The following SIK3 variants were observed in gnomAD, a reference collection of about 807,000 sequenced individuals.
SIK3 encodes SIK family kinase 3, also known as serine/threonine-protein kinase SIK3.
Under a neutral mutation model 144.2 loss-of-function variants are expected in SIK3, and 28 were observed. The ratio of observed to expected loss-of-function variants is 0.19; its 90% CI spans 0.14 to 0.27. The LOEUF (loss-of-function observed/expected upper bound fraction) is 0.27. Among genes scored for constraint, SIK3 ranks in the 10% least tolerant of loss-of-function variants. The pLI is 1.00. For synonymous variants in SIK3, 686 were observed against 676.3 expected (o/e 1.01, Z -0.22); for missense variants, 1,319 against 1,776.0 (o/e 0.74, Z 4.62).
In SIK3 at chr11:117,007,734, A is replaced by G. The variant is rs369398269; in HGVS notation, c.274-50670T>C. On this transcript the variant is annotated intron_variant, in intron 1 of 24. Transcript: ENST00000445177. ...GAAATTTGACATTAGATGAACTGTA[A>G]GAGTTCAGAATATGAGCTCACCCTT... 1.4e-4 allele frequency among the ~76,000 whole-genome samples: 22 copies of G among 152,322 alleles called. 1 individual carries two copies. In the East Asian group the frequency reaches 3.9e-3, roughly 27 times the overall value.
intron 21 of SIK3, among the ~76,000 whole-genome samples, chr11:116,851,939 C>A (rs190907906): frequency 6.6e-6 from 1 of 152,354 alleles, no homozygotes; most frequent in East Asian, 1.9e-4. Flanking sequence ...ATATTGTCTT[C>A]TTTGATAACT....
At chr11:117,092,428 G>C (rs1955289260) in intron 1 of SIK3, among the ~76,000 whole-genome samples, 1 of 152,192 alleles carries the variant, frequency 6.6e-6, no homozygotes, top group Admixed American at 6.5e-5. Flanking sequence ...TGGAAAGAAA[G>C]GTCTTCCCTG....
intron 8 of SIK3, 95 bp downstream of exon 8, chr11:116,876,158 A>G: frequency 2.0e-6 from 3 of 1,500,972 alleles, no homozygotes; most frequent in Non-Finnish European, 9.1e-7. Context: ...ACAGGAGGAA[A>G]AAAAAGGCCC....
chr11:116,897,453 A>T, intron 4 of SIK3, 136 bp from the exon 5 acceptor site: 1 of 721,132 alleles, frequency 1.4e-6, no homozygotes, highest in Non-Finnish European at 2.3e-6. Context: ...TAGAAACCAC[A>T]TAGCCAGACA....
intron 15 of SIK3, among the ~76,000 whole-genome samples, chr11:116,865,510 G>C (rs923364196): frequency 6.6e-6 from 1 of 152,076 alleles, no homozygotes; most frequent in African/African-American, 2.4e-5. Context: ...GGATGGCCTC[G>C]CATTAGGCTG....
At chr11:117,005,336 G>GAAAAAAAAAAAAAA (rs35279676) in intron 1 of SIK3, among the ~76,000 whole-genome samples, 2 of 55,966 alleles carry the variant, frequency 3.6e-5, no homozygotes, top group African/African-American at 5.9e-5. Context: ...CCCCGTCTCA[G>GAAAAAAAAAAAAAA]AAAAAAAAAA....
At chr11:116,871,027 A>G (rs1487491691) in intron 13 of SIK3, among the ~76,000 whole-genome samples, 1 of 152,254 alleles carries the variant, frequency 6.6e-6, no homozygotes, top group Non-Finnish European at 1.5e-5. Context: ...CCAGGAAAGC[A>G]TAGTGAATTA....
chr11:116,896,616 T>C (rs754148176), intron 5 of SIK3, among the ~76,000 whole-genome samples: 4 of 152,178 alleles, frequency 2.6e-5, no homozygotes, highest in Non-Finnish European at 4.4e-5. Flanking sequence ...GTAGAAATAA[T>C]CTCTCTTCTT....
intron 1 of SIK3, among the ~76,000 whole-genome samples, chr11:117,078,314 A>T (rs530243800): frequency 1.3e-5 from 2 of 152,342 alleles, no homozygotes; most frequent in Admixed American, 1.3e-4. Context: ...AATGCAAGTC[A>T]CATCCAATGA....
chr11:116,916,215 C>T (rs953748135), intron 4 of SIK3, among the ~76,000 whole-genome samples: 5 of 152,096 alleles, frequency 3.3e-5, no homozygotes, highest in East Asian at 3.8e-4. Context: ...TCCGCAAAGA[C>T]GAGCCAAAGA....
intron 1 of SIK3, among the ~76,000 whole-genome samples, chr11:117,088,199 T>C (rs950965417): frequency 6.6e-6 from 1 of 152,162 alleles, no homozygotes; most frequent in Non-Finnish European, 1.5e-5. Context: ...ATCACATCAC[T>C]GCACTCCAGC....
At chr11:117,070,509 C>T (rs1306232188) in intron 1 of SIK3, among the ~76,000 whole-genome samples, 4 of 151,608 alleles carry the variant, frequency 2.6e-5, no homozygotes, top group Middle Eastern at 3.4e-3. Flanking sequence ...TGCAATGGCA[C>T]GATCTCGGCT....
rs1452104637 is a variant in SIK3, at chr11:116,873,509, C to T, written c.1709G>A (p.Gly570Glu). The T allele has an allele frequency of 6.2e-7, 1 of 1,613,872 alleles. No individual in the cohort carries two copies. Among genetic ancestry groups the T allele is most frequent in the Non-Finnish European group, 8.5e-7 (1 of 1,179,902 alleles). The change falls in exon 13 of 25, where the codon GGA becomes GAA. Residue 570 changes from glycine to glutamate, a missense_variant. Physicochemically the swap from Gly to Glu is moderately conservative, Grantham distance 98 (BLOSUM62 -2). Coordinates refer to ENST00000445177, the MANE Select transcript of SIK3 (RefSeq NM_001366686.3). Reference protein sequence around the residue: ...HAQQLLKRPRGPSPLVTMTPA... With the variant: ...HAQQLLKRPREPSPLVTMTPA... ...TGTCATGGTGACAAGCGGAGAGGGTCCCCGTGGGCGCTTCAGCAGCTGCTG... is the reference window on the plus strand; with the variant it reads ...TGTCATGGTGACAAGCGGAGAGGGTTCCCGTGGGCGCTTCAGCAGCTGCTG...
chr11:116,948,817 A>G (rs1354630734), intron 3 of SIK3, among the ~76,000 whole-genome samples: 1 of 151,780 alleles, frequency 6.6e-6, no homozygotes, highest in Middle Eastern at 3.2e-3. Context: ...GCTTCAAGAC[A>G]CTAGAAGAGG....
chr11:116,991,320 G>A (rs1025257090), intron 1 of SIK3, among the ~76,000 whole-genome samples: 6 of 152,054 alleles, frequency 3.9e-5, no homozygotes, highest in East Asian at 1.9e-4. Flanking sequence ...GGTGGCACAC[G>A]CCCGTAATCT....
chr11:116,976,930 T>G (rs189805837), intron 1 of SIK3, among the ~76,000 whole-genome samples: 1 of 152,224 alleles, frequency 6.6e-6, no homozygotes, highest in Non-Finnish European at 1.5e-5. Flanking sequence ...AATGGAATAA[T>G]AGTTTGGACT....
At chr11:117,096,458 G>C in intron 1 of SIK3, among the ~76,000 whole-genome samples, 1 of 152,168 alleles carries the variant, frequency 6.6e-6, no homozygotes, top group Non-Finnish European at 1.5e-5. Context: ...GTTTGCCTTG[G>C]CTAATAGTCA....
At chr11:116,908,882 C>T (rs1946193001) in intron 4 of SIK3, among the ~76,000 whole-genome samples, 1 of 152,162 alleles carries the variant, frequency 6.6e-6, no homozygotes, top group Non-Finnish European at 1.5e-5. Context: ...AATTTCACTT[C>T]TCAGTTTACA....
chr11:116,981,739 G>A (rs546558704), intron 1 of SIK3, among the ~76,000 whole-genome samples: 12 of 152,296 alleles, frequency 7.9e-5, no homozygotes, highest in Middle Eastern at 3.4e-3. Flanking sequence ...TTCGCCAGGC[G>A]TGGTAGCTCA....
Sources: gnomAD v4.1 joint callset for allele counts (sites outside exome capture counted in the v4.1 genomes callset) on GRCh38, gnomAD v4.1.1 for gene constraint, MANE v1.5 for transcripts, NCBI Gene and HGNC (gene_info 2026-07-23, HGNC 2026-07-21) for gene names.